The following EIF3H variants were observed in gnomAD, a reference collection of about 807,000 sequenced individuals.
EIF3H encodes the protein eIF-3-gamma.
EIF3H carries 26 observed loss-of-function variants against 44.2 expected under a neutral mutation model. That is an observed-to-expected ratio of 0.59 (90% CI 0.43 to 0.82). The LOEUF (loss-of-function observed/expected upper bound fraction) is 0.82, where lower values mean the gene tolerates loss of function less well. Among genes scored for constraint, EIF3H ranks in the 40% least tolerant of loss-of-function variants. The probability of loss-of-function intolerance (pLI) is 0.00; values close to 1 mark genes in which losing one functional copy is unlikely to be tolerated. For missense variants in EIF3H, 359 were observed against 432.8 expected (o/e 0.83, Z 1.51); for synonymous variants, 166 against 151.9 (o/e 1.09, Z -0.68).
chr8:116,672,219 TCTA>T (rs1443402043), intron 2 of EIF3H, among the ~76,000 whole-genome samples: 1 of 152,218 alleles, frequency 6.6e-6, no homozygotes, highest in Non-Finnish European at 1.5e-5. Context: ...ATCAATTATC[TCTA>T]CTGTGTGTTC....
chr8:116,696,392 T>C (rs981146056), intron 2 of EIF3H, among the ~76,000 whole-genome samples: 1 of 152,204 alleles, frequency 6.6e-6, no homozygotes. Flanking sequence ...TACAGCTACA[T>C]GACTAAATTG....
At chr8:116,664,302 G>A (rs1249243720) in intron 2 of EIF3H, among the ~76,000 whole-genome samples, 1 of 152,120 alleles carries the variant, frequency 6.6e-6, no homozygotes, top group Non-Finnish European at 1.5e-5. Context: ...ACATTTGTTG[G>A]GCTTTCTCTT....
intron 5 of EIF3H, 144 bp from the exon 6 acceptor site, chr8:116,649,070 A>C (rs879473970): frequency 5.6e-5 from 35 of 621,742 alleles, no homozygotes; most frequent in Non-Finnish European, 7.7e-5. Flanking sequence ...AGAGCAGAGG[A>C]AAAAATCTGA....
At chr8:116,694,221 T>C (rs1814227774) in intron 2 of EIF3H, among the ~76,000 whole-genome samples, 1 of 152,110 alleles carries the variant, frequency 6.6e-6, no homozygotes, top group Non-Finnish European at 1.5e-5. Context: ...CAATCAGCAG[T>C]ACATGAGTGT....
chr8:116,676,423 C>A (rs1813848996), intron 2 of EIF3H, among the ~76,000 whole-genome samples: 1 of 152,174 alleles, frequency 6.6e-6, no homozygotes, highest in African/African-American at 2.4e-5. Flanking sequence ...ACAACTTCTT[C>A]ACAAGATGGC....
chr8:116,710,477 C>T lies in EIF3H; in HGVS notation c.289+15539G>A, dbSNP rs549519001. Among the ~76,000 whole-genome samples the T allele has an allele frequency of 4.1e-4, 63 of 152,252 alleles. 1 individual carries two copies. The South Asian group carries it at 0.012, about 29-fold the overall frequency. On this transcript the variant is annotated intron_variant, in intron 2 of 7. Coordinates refer to ENST00000521861, the MANE Select transcript of EIF3H (RefSeq NM_003756.3). ...TTAGTGTCTGTATACATTCAACCACCGCTAATTTTCTGTTGACCTTCATTT... is the reference window on the plus strand; with the variant it reads ...TTAGTGTCTGTATACATTCAACCACTGCTAATTTTCTGTTGACCTTCATTT...
At chr8:116,742,380 T>C (rs1476028603) in intron 1 of EIF3H, among the ~76,000 whole-genome samples, 1 of 152,222 alleles carries the variant, frequency 6.6e-6, no homozygotes, top group Non-Finnish European at 1.5e-5. Context: ...TGTACAAATA[T>C]ATAATCATAA....
At chr8:116,731,400 T>C (rs1814947747) in intron 1 of EIF3H, among the ~76,000 whole-genome samples, 2 of 152,282 alleles carry the variant, frequency 1.3e-5, no homozygotes, top group Admixed American at 6.5e-5. Flanking sequence ...TACTCTAACA[T>C]CCTATTTAGT....
intron 1 of EIF3H, among the ~76,000 whole-genome samples, chr8:116,743,790 ATATATATAAACACAC>A (rs1586489749): frequency 2.2e-5 from 2 of 90,910 alleles, no homozygotes; most frequent in East Asian, 3.5e-4. Flanking sequence ...ATATATATAT[ATATATATAAACACAC>A]ACACACACAC....
chr8:116,655,705 G>T (rs1563633664), intron 5 of EIF3H, 151 bp downstream of exon 5: 1 of 777,562 alleles, frequency 1.3e-6, no homozygotes, highest in East Asian at 2.7e-5. Context: ...ATCCTAACAG[G>T]GCCAGACTAT....
At chr8:116,729,566 T>C (rs1283891195) in intron 1 of EIF3H, among the ~76,000 whole-genome samples, 1 of 152,152 alleles carries the variant, frequency 6.6e-6, no homozygotes, top group Admixed American at 6.5e-5. Flanking sequence ...TCTCGCTCTT[T>C]CGACATCACT....
At chr8:116,671,930 G>A (rs1813764252) in intron 2 of EIF3H, among the ~76,000 whole-genome samples, 1 of 152,198 alleles carries the variant, frequency 6.6e-6, no homozygotes, top group South Asian at 2.1e-4. Flanking sequence ...TTTTGGCTCT[G>A]CCATTACAAA....
At chr8:116,658,761 A>G in intron 3 of EIF3H, 52 bp downstream of exon 3, 3 of 1,572,984 alleles carry the variant, frequency 1.9e-6, no homozygotes, top group Non-Finnish European at 2.6e-6. Context: ...CAGAAAGCAA[A>G]AATAGTAGTA....
chr8:116,765,173 C>G (rs1586502761), intron 1 of EIF3H, among the ~76,000 whole-genome samples: 1 of 152,210 alleles, frequency 6.6e-6, no homozygotes, highest in South Asian at 2.1e-4. Flanking sequence ...AAAGAGGATT[C>G]AAATTGAAAA....
chr8:116,740,757 C>T (rs4876677), intron 1 of EIF3H, among the ~76,000 whole-genome samples: 1 of 151,848 alleles, frequency 6.6e-6, no homozygotes, highest in Admixed American at 6.6e-5. Flanking sequence ...TGACTAACTC[C>T]CCAACCCTGT....
intron 1 of EIF3H, among the ~76,000 whole-genome samples, chr8:116,752,113 A>T (rs144682895): frequency 1.3e-5 from 2 of 152,368 alleles, no homozygotes; most frequent in African/African-American, 2.4e-5. Flanking sequence ...GTCACACACC[A>T]ATAAGAACCC....
chr8:116,746,795 A>C (rs553989590), intron 1 of EIF3H, among the ~76,000 whole-genome samples: 1 of 152,256 alleles, frequency 6.6e-6, no homozygotes, highest in African/African-American at 2.4e-5. Flanking sequence ...GTCAGACTGC[A>C]TAACGAATTT....
rs753108369 is a variant in EIF3H, at chr8:116,752,732, G to GAAAGA, written c.132+2933_132+2934insTCTTT. On this transcript the variant is annotated intron_variant, in intron 1 of 7. Coordinates refer to ENST00000521861, the MANE Select transcript of EIF3H (RefSeq NM_003756.3). ...AGAAAGAAAGAAAGAAAGAAAGAAA[G>GAAAGA]AAGAGAAAGAAAGAAAGAAAGAGGG... 2.8e-5 allele frequency among the ~76,000 whole-genome samples: 3 copies of GAAAGA among 108,998 alleles called. 1 individual carries two copies. The South Asian group carries it at 1.1e-3, about 40-fold the overall frequency. 71.5% of individuals were successfully genotyped at this position (108,998 alleles called of 152,430 possible).
At chr8:116,645,795 C>T (rs148630341) in intron 7 of EIF3H, among the ~76,000 whole-genome samples, 1 of 152,330 alleles carries the variant, frequency 6.6e-6, no homozygotes, top group East Asian at 1.9e-4. Context: ...TCCCACATTA[C>T]AAATGTATCA....
Sources: allele counts gnomAD v4.1 joint callset (sites outside exome capture counted in the v4.1 genomes callset), GRCh38; gene constraint gnomAD v4.1.1; transcripts MANE v1.5; gene names NCBI Gene and HGNC (gene_info 2026-07-23, HGNC 2026-07-21).